ANXA8: variants seen among roughly 807,000 people sequenced by gnomAD.
ANXA8 encodes the protein annexin A8, also known as VAC-beta.
Under a neutral mutation model 26.8 loss-of-function variants are expected in ANXA8, and 9 were observed. The ratio of observed to expected loss-of-function variants is 0.34; its 90% CI spans 0.20 to 0.59. The LOEUF (loss-of-function observed/expected upper bound fraction) is 0.59. Among genes scored for constraint, ANXA8 ranks in the 20% least tolerant of loss-of-function variants. The probability of loss-of-function intolerance (pLI) is 0.84; values close to 1 mark genes in which losing one functional copy is unlikely to be tolerated. For synonymous variants in ANXA8, 39 were observed against 94.8 expected, an observed-to-expected ratio of 0.41 and a Z score of 3.42; for missense variants, 83 against 238.5, an observed-to-expected ratio of 0.35 and a Z score of 4.29.
chr10:47,736,516 G>A, the ANXA8 span, among the ~76,000 whole-genome samples: 25 of 131,538 alleles, frequency 1.9e-4, no homozygotes, highest in South Asian at 6.3e-3. Flanking sequence ...TCTCAGAAAG[G>A]TTATCCTGAA....
At chr10:47,702,034 A>G in the ANXA8 span, among the ~76,000 whole-genome samples, 1 of 150,054 alleles carries the variant, frequency 6.7e-6, no homozygotes, top group Non-Finnish European at 1.5e-5. Flanking sequence ...CCTTATGTAC[A>G]TACTAGAATG....
chr10:47,945,163 T>A, the ANXA8 span, among the ~76,000 whole-genome samples: 2 of 149,938 alleles, frequency 1.3e-5, no homozygotes, highest in African/African-American at 5.0e-5. Flanking sequence ...GGCATAGCCA[T>A]GCCCTCACTT....
the ANXA8 span, among the ~76,000 whole-genome samples, chr10:47,681,834 C>T: frequency 2.5e-5 from 3 of 120,938 alleles, no homozygotes; most frequent in East Asian, 2.4e-4. Flanking sequence ...AGCCACCGTG[C>T]GTGGCCAAAT....
chr10:47,519,487 A>G, the ANXA8 span, among the ~76,000 whole-genome samples: 1 of 122,362 alleles, frequency 8.2e-6, no homozygotes, highest in South Asian at 2.7e-4. Flanking sequence ...AAAAAAAAAG[A>G]GTGTGGTACC....
At chr10:47,983,019 A>C in the ANXA8 span, among the ~76,000 whole-genome samples, 11 of 117,886 alleles carry the variant, frequency 9.3e-5, no homozygotes, top group Non-Finnish European at 1.3e-4. Flanking sequence ...GAAAGCGCAA[A>C]TAGAACCGCA....
the ANXA8 span, chr10:47,539,953 G>GA: frequency 7.9e-6 from 1 of 127,354 alleles, no homozygotes; most frequent in Non-Finnish European, 1.6e-5. Flanking sequence ...ATAAAATACA[G>GA]AAAAGAGTAT....
At chr10:47,769,384 C>G in the ANXA8 span, among the ~76,000 whole-genome samples, 1 of 148,956 alleles carries the variant, frequency 6.7e-6, no homozygotes, top group Non-Finnish European at 1.5e-5. Flanking sequence ...ATGGCACCCT[C>G]TCCAAGGGCA....
At chr10:47,666,258 G>A in the ANXA8 span, among the ~76,000 whole-genome samples, 121 of 146,918 alleles carry the variant, frequency 8.2e-4, no homozygotes, top group Non-Finnish European at 1.4e-3. Context: ...GGCCTTGAAT[G>A]TTTGGGTAGA....
At chr10:47,651,212 GATA>G in the ANXA8 span, among the ~76,000 whole-genome samples, 21 of 142,976 alleles carry the variant, frequency 1.5e-4, 1 homozygote, top group African/African-American at 2.9e-4. Context: ...AAATAATAAT[GATA>G]ATAATAATAA....
the ANXA8 span, among the ~76,000 whole-genome samples, chr10:47,763,983 G>A: frequency 6.6e-6 from 1 of 152,036 alleles, no homozygotes; most frequent in South Asian, 2.1e-4. Context: ...CTAAGGCGAG[G>A]AGGGTGGTGA....
the ANXA8 span, among the ~76,000 whole-genome samples, chr10:47,940,807 G>A: frequency 2.4e-4 from 34 of 139,762 alleles, 2 homozygotes; most frequent in Non-Finnish European, 4.5e-4. Flanking sequence ...CAGCTTAGGC[G>A]ACAGAGTGAG....
chr10:47,645,396 G>C, the ANXA8 span, among the ~76,000 whole-genome samples: 6 of 148,244 alleles, frequency 4.0e-5, no homozygotes, highest in South Asian at 1.3e-3. Context: ...AGATGGGGCA[G>C]ATCTGCAGGA....
At chr10:47,734,807 T>A in the ANXA8 span, among the ~76,000 whole-genome samples, 5 of 131,770 alleles carry the variant, frequency 3.8e-5, no homozygotes, top group East Asian at 2.4e-4. Flanking sequence ...TCACTTGAGG[T>A]CAGGAGTTTG....
the ANXA8 span, among the ~76,000 whole-genome samples, chr10:47,974,471 T>C: frequency 2.0e-5 from 3 of 148,974 alleles, no homozygotes; most frequent in South Asian, 6.4e-4. Flanking sequence ...TCTCTAGTTC[T>C]TCTAGGTGCA....
the ANXA8 span, among the ~76,000 whole-genome samples, chr10:47,733,191 T>C: frequency 1.2e-3 from 126 of 106,266 alleles, no homozygotes; most frequent in African/African-American, 4.1e-3. Flanking sequence ...CTTTCTTTCT[T>C]TCTTTCTTTC....
chr10:47,486,948 G>C (rs1309511501), upstream of ANXA8, among the ~76,000 whole-genome samples: 1 of 149,818 alleles, frequency 6.7e-6, no homozygotes, highest in Non-Finnish European at 1.5e-5. Flanking sequence ...CCTCCAGCCT[G>C]GGCGACAGAG....
chr10:47,552,712 G>A, the ANXA8 span, among the ~76,000 whole-genome samples: 7 of 151,862 alleles, frequency 4.6e-5, no homozygotes, highest in East Asian at 5.8e-4. Flanking sequence ...TTGGAATATC[G>A]GGCTGCATAA....
chr10:47,768,296 C>T, the ANXA8 span, among the ~76,000 whole-genome samples: 5 of 151,492 alleles, frequency 3.3e-5, no homozygotes, highest in African/African-American at 7.3e-5. Flanking sequence ...TTTTCAGGAA[C>T]AGCAATGTGC....
upstream of ANXA8, chr10:47,487,273 A>C: frequency 7.8e-7 from 1 of 1,278,350 alleles, no homozygotes; most frequent in Non-Finnish European, 1.1e-6. Context: ...TAGCAGGTGC[A>C]CTCACTGTCC....
Sources: allele counts gnomAD v4.1 joint callset (sites outside exome capture counted in the v4.1 genomes callset), GRCh38; gene constraint gnomAD v4.1.1; transcripts MANE v1.5; gene names NCBI Gene and HGNC (gene_info 2026-07-23, HGNC 2026-07-21).